The following PAPLN variants were observed in gnomAD, a reference collection of about 807,000 sequenced individuals.
PAPLN encodes papilin.
PAPLN carries 146 observed loss-of-function variants against 159.0 expected under a neutral mutation model. The ratio of observed to expected loss-of-function variants is 0.92; its 90% CI spans 0.80 to 1.05. The LOEUF (loss-of-function observed/expected upper bound fraction) is 1.05. Among genes scored for constraint, PAPLN ranks in the 50% least tolerant of loss-of-function variants. The pLI is 0.00. For missense variants in PAPLN, 1,720 were observed against 1,743.9 expected (o/e 0.99, Z 0.24); for synonymous variants, 734 against 702.9 (o/e 1.04, Z -0.70).
At chr14:73,240,986 C>G (rs925954875) in intron 2 of PAPLN, among the ~76,000 whole-genome samples, 3 of 151,794 alleles carry the variant, frequency 2.0e-5, no homozygotes, top group African/African-American at 7.3e-5. Flanking sequence ...GCGAAAGGAC[C>G]CAAACTGTTT....
Position 73,246,144 on chromosome 14 carries a change from G to A in PAPLN, c.303G>A (p.Gly101=), listed in dbSNP as rs1884272107. Residue 101 remains glycine (G), a synonymous_variant, in exon 5 of 27, where the codon GGG becomes GGA. Transcript: ENST00000644200. ...CAEFDGAEFQ[G]RRYRWLPYYS... ...AGTTCGACGGAGCGGAGTTCCAGGGGCGGCGGTATCGGTGGCTGCCCTACT... is the reference window on the plus strand; with the variant it reads ...AGTTCGACGGAGCGGAGTTCCAGGGACGGCGGTATCGGTGGCTGCCCTACT... 4 of 1,591,556 alleles carry A rather than the reference G, an allele frequency of 2.5e-6. No individual in the cohort carries two copies. The highest frequency in any genetic ancestry group is 4.7e-5 in the East Asian group (2 of 42,640).
At chr14:73,237,277 C>T (rs1287962137), upstream of PAPLN, among the ~76,000 whole-genome samples, 1 of 152,120 alleles carries the variant, frequency 6.6e-6, no homozygotes, top group Non-Finnish European at 1.5e-5. Context: ...AGGTGACTGG[C>T]GCTGACCCAA....
intron 26 of PAPLN, among the ~76,000 whole-genome samples, chr14:73,271,624 C>T (rs1452803822): frequency 6.6e-6 from 1 of 152,000 alleles, no homozygotes; most frequent in Non-Finnish European, 1.5e-5. Context: ...GCCTCAGCTT[C>T]CCGAGTAGCT....
intron 2 of PAPLN, chr14:73,242,547 G>A (rs532025728): frequency 6.6e-6 from 1 of 152,334 alleles, no homozygotes; most frequent in South Asian, 2.1e-4. Flanking sequence ...GTGTGGGGGG[G>A]GCGGGTGCCA....
chr14:73,239,692 A>T, intron 1 of PAPLN, 81 bp from the exon 2 acceptor site: 1 of 1,524,624 alleles, frequency 6.6e-7, no homozygotes, highest in Non-Finnish European at 8.8e-7. Flanking sequence ...CCATAGGGAG[A>T]GACGCGCCCA....
chr14:73,259,439 C>T lies in PAPLN; in HGVS notation c.1879C>T (p.Pro627Ser), dbSNP rs1163285521. 2 of 1,612,684 alleles carry T rather than the reference C, an allele frequency of 1.2e-6. No individual in the cohort carries two copies. Among genetic ancestry groups the T allele is most frequent in the Non-Finnish European group, 1.7e-6 (2 of 1,179,596 alleles). Reference protein sequence around the residue: ...YQQPLRSGSGPHDCRHSPHGC... With the variant: ...YQQPLRSGSGSHDCRHSPHGC... ...GCAACCCCTGCGGTCGGGCTCAGGG[C>T]CCCACGACTGCAGACACAGTCCTCA... Residue 627 changes from proline (P) to serine (S), a missense_variant, in exon 16 of 27, where the codon CCC becomes TCC. Physicochemically the swap from Pro to Ser is moderately conservative, Grantham distance 74. Transcript: ENST00000644200.
Position 73,263,800 on chromosome 14 carries a change from C to T in PAPLN, c.2861+18C>T. On this transcript the variant is annotated intron_variant, in intron 20 of 26. Coordinates refer to ENST00000644200, the MANE Select transcript of PAPLN (RefSeq NM_001365906.3). ...TCTGACAGGTGGGTGAGAGTCCCCC[C>T]ACCTCCTCTGACAGGTGTGACAGCC... 6.3e-7 allele frequency: 1 copy of T among 1,593,528 alleles called. No homozygotes were observed. The highest frequency in any genetic ancestry group is 1.7e-5 in the Admixed American group (1 of 59,222).
intron 14 of PAPLN, among the ~76,000 whole-genome samples, chr14:73,257,066 G>A (rs1885993492): frequency 6.6e-6 from 1 of 152,074 alleles, no homozygotes; most frequent in Admixed American, 6.6e-5. Flanking sequence ...CCACGTTCTG[G>A]GCTCAAGGGC....
At position 73,264,093 on chromosome 14, in the gene PAPLN, G is replaced by T. The variant is rs962179932; in HGVS notation, c.2862-118G>T. 7 of 1,577,298 alleles carry T rather than the reference G, an allele frequency of 4.4e-6. No individual in the cohort carries two copies. In the African/African-American group the frequency reaches 6.8e-5, roughly 15 times the overall value. ...AGCATATTCCCCCAGCCTCACTTGG[G>T]GTGGGAGGGTGCTCTGTAGACTCTG... On this transcript the variant is annotated intron_variant, in intron 20 of 26. Transcript: ENST00000644200.
In PAPLN at chr14:73,259,374, C is replaced by T; in HGVS notation, c.1814C>T (p.Ala605Val). The change falls in exon 16 of 27, where the codon GCC (alanine) becomes GTC (valine). Residue 605 changes from alanine to valine, a missense_variant. Transcript: ENST00000644200. Reference sequence around the variant, plus strand: ...GGCGACCAAGGCACCCACCTGTCAGCCCTGGGCCCCGCTCCCTCTCTGCAG... The same window carrying T: ...GGCGACCAAGGCACCCACCTGTCAGTCCTGGGCCCCGCTCCCTCTCTGCAG... ...PRGDQGTHLS[A>V]LGPAPSLQQP... is the part of the protein sequence containing the mutation. 1 of 1,612,348 alleles carries T rather than the reference C, an allele frequency of 6.2e-7. No individual in the cohort carries two copies. The highest frequency in any genetic ancestry group is 8.5e-7 in the Non-Finnish European group (1 of 1,179,292).
In PAPLN at chr14:73,263,124, G is replaced by C. The variant is rs575035452; in HGVS notation, c.2723+297G>C. 5 of 376,168 alleles carry C rather than the reference G, an allele frequency of 1.3e-5. No individual in the cohort carries two copies. The South Asian group carries it at 5.8e-4, about 44-fold the overall frequency. 23.3% of individuals were successfully genotyped at this position (376,168 alleles called of 1,614,324 possible). On this transcript the variant is annotated intron_variant, in intron 19 of 26. Transcript: ENST00000644200. The stretch of plus-strand genomic sequence containing the variant: ...CCTGTCTGGCTGGAAAAGTTTATTG[G>C]CTTCGTGACCTTTGGCAAGTCACCC...
chr14:73,266,193 C>T (rs1261065814), intron 23 of PAPLN, among the ~76,000 whole-genome samples: 1 of 152,118 alleles, frequency 6.6e-6, no homozygotes, highest in East Asian at 1.9e-4. Context: ...ACAAAAATAG[C>T]CAGGCGTGGT....
chr14:73,263,596 G>T, intron 19 of PAPLN, 49 bp from the exon 20 acceptor site: 1 of 1,611,632 alleles, frequency 6.2e-7, no homozygotes, highest in Non-Finnish European at 8.5e-7. Flanking sequence ...GGGTGGTTCT[G>T]GTCCTGGCGC....
chr14:73,261,005 CAG>C (rs1594816766), intron 17 of PAPLN, 149 bp from the exon 18 acceptor site: 12 of 1,425,362 alleles, frequency 8.4e-6, no homozygotes, highest in Non-Finnish European at 1.1e-5. Context: ...TGGGGTGGAT[CAG>C]GGGTTTCATC....
intron 25 of PAPLN, 153 bp from the exon 26 acceptor site, chr14:73,268,404 C>T (rs953677087): frequency 1.3e-6 from 1 of 744,778 alleles, no homozygotes; most frequent in Non-Finnish European, 2.1e-6. Flanking sequence ...ACCTAGAAAC[C>T]TTGGTCATTC....
chr14:73,259,036 G>T lies in PAPLN; in HGVS notation c.1685G>T (p.Gly562Val), dbSNP rs764850023. The change falls in exon 15 of 27, where the codon GGC becomes GTC. Residue 562 changes from glycine (G) to valine (V), a missense_variant. Physicochemically the swap from Gly to Val is moderately radical, Grantham distance 109. Transcript: ENST00000644200. ...TPASNPWMPL[G>V]PQESPASDSR... ...GCCAGCAACCCCTGGATGCCGTTGG[G>T]CCCTCAGGAGTCCCCTGCCTCAGGT... 3 of 1,611,686 alleles carry T rather than the reference G, an allele frequency of 1.9e-6. No homozygotes were observed. The highest frequency in any genetic ancestry group is 2.7e-5 in the African/African-American group (2 of 74,808).
At chr14:73,263,043 C>T in intron 19 of PAPLN, 2 of 438,376 alleles carry the variant, frequency 4.6e-6, no homozygotes, top group East Asian at 6.8e-5. Context: ...TAATAGACAT[C>T]TGTGCAGATG....
At chr14:73,258,420 TG>T (rs1477413763) in intron 14 of PAPLN, among the ~76,000 whole-genome samples, 1 of 152,134 alleles carries the variant, frequency 6.6e-6, no homozygotes, top group Non-Finnish European at 1.5e-5. Flanking sequence ...TTCTGTTTTT[TG>T]TTTTATGTGG....
chr14:73,272,609 T>G lies in PAPLN; in HGVS notation c.3782T>G (p.Phe1261Cys). The change falls in exon 27 of 27, where the codon TTC (phenylalanine) becomes TGC (cysteine). Residue 1261 changes from phenylalanine to cysteine, a missense_variant. Phe to Cys is a radical substitution (Grantham distance 205, BLOSUM62 -2). Coordinates refer to ENST00000644200, the MANE Select transcript of PAPLN (RefSeq NM_001365906.3). ...TGTGGCAATGAGTATTACTCCAGCT[T>G]CTGCTGTGCCAGCTGTTCACGTTTC... is the stretch of plus-strand genomic sequence containing the variant. ...QLCGNEYYSS[F>C]CCASCSRFQP... The G allele has an allele frequency of 6.3e-7, 1 of 1,597,706 alleles. No individual in the cohort carries two copies. The highest frequency in any genetic ancestry group is 8.6e-7 in the Non-Finnish European group (1 of 1,166,482).
Sources: gnomAD v4.1 joint callset for allele counts (sites outside exome capture counted in the v4.1 genomes callset) on GRCh38, gnomAD v4.1.1 for gene constraint, MANE v1.5 for transcripts, NCBI Gene and HGNC (gene_info 2026-07-23, HGNC 2026-07-21) for gene names.